ANKRD17: variants seen among roughly 807,000 people sequenced by gnomAD.
ANKRD17 encodes the protein ankyrin repeat domain-containing protein 17.
A neutral mutation model predicts 229.7 loss-of-function variants in ANKRD17; 19 were observed. The observed-to-expected ratio is 0.08, with a 90% confidence interval of 0.06 to 0.12. ANKRD17 has a LOEUF of 0.12. ANKRD17 is among the 10% of genes least tolerant of loss of function. ANKRD17 has a pLI of 1.00. For missense variants in ANKRD17, 2,176 were observed against 3,176.8 expected (o/e 0.68, Z 7.57); for synonymous variants, 1,112 against 1,146.1 (o/e 0.97, Z 0.60).
Position 73,111,077 on chromosome 4 carries a change from C to T in ANKRD17, c.4401+2715G>A, listed in dbSNP as rs573421832. 1.1e-4 allele frequency among the ~76,000 whole-genome samples: 17 copies of T among 152,202 alleles called. No homozygotes were observed. The South Asian group carries it at 3.3e-3, about 30-fold the overall frequency. ...CTAAATTAAAAATACAGTAGTGCCC[C>T]CTTATCCATGATGAGTAAGTACATT... On this transcript the variant is annotated intron_variant, in intron 24 of 33. Transcript: ENST00000358602.
intron 30 of ANKRD17, among the ~76,000 whole-genome samples, chr4:73,079,266 G>A (rs544447372): frequency 2.6e-5 from 4 of 152,194 alleles, no homozygotes; most frequent in African/African-American, 9.7e-5. Flanking sequence ...TCTCCAAACT[G>A]TATTCCCTGG....
chr4:73,111,545 G>C (rs768212057), intron 24 of ANKRD17, among the ~76,000 whole-genome samples: 1 of 152,012 alleles, frequency 6.6e-6, no homozygotes. Flanking sequence ...CAAATAAAGG[G>C]ACTACTATAT....
At chr4:73,103,168 A>C (rs951382853) in intron 24 of ANKRD17, among the ~76,000 whole-genome samples, 12 of 152,050 alleles carry the variant, frequency 7.9e-5, no homozygotes, top group South Asian at 2.1e-4. Flanking sequence ...AAGTATTATA[A>C]ATATGTACTT....
intron 1 of ANKRD17, among the ~76,000 whole-genome samples, chr4:73,256,098 T>C (rs139426854): frequency 3.1e-4 from 47 of 152,286 alleles, no homozygotes; most frequent in Admixed American, 9.8e-4. Flanking sequence ...TTTAACACCA[T>C]GTAAAAGACA....
intron 1 of ANKRD17, among the ~76,000 whole-genome samples, chr4:73,188,482 G>A (rs1736595888): frequency 6.6e-6 from 1 of 152,114 alleles, no homozygotes; most frequent in Non-Finnish European, 1.5e-5. Context: ...CTACTCAGGA[G>A]GCTGAGGCAG....
At chr4:73,148,339 A>T (rs1262343236) in intron 8 of ANKRD17, among the ~76,000 whole-genome samples, 1 of 152,240 alleles carries the variant, frequency 6.6e-6, no homozygotes, top group Non-Finnish European at 1.5e-5. Context: ...TTCCCAAAAA[A>T]GAAGTTTATG....
chr4:73,155,923 A>ATCC, intron 4 of ANKRD17, 96 bp downstream of exon 4: 3 of 1,499,768 alleles, frequency 2.0e-6, no homozygotes, highest in Non-Finnish European at 2.7e-6. Context: ...TGTTGAAATA[A>ATCC]TCCTAATGGT....
Position 73,091,895 on chromosome 4 carries a change from G to A in ANKRD17, c.5733C>T (p.Thr1911=). The part of the protein sequence containing the change: ...QQIRPPRLPM[T]HFGGTFPPAQ... ...CTGGTGGAAAAGTACCTCCAAAGTGGGTCATGGGCAACCTTGGTGGACGGA... is the reference window on the plus strand; with the variant it reads ...CTGGTGGAAAAGTACCTCCAAAGTGAGTCATGGGCAACCTTGGTGGACGGA... Residue 1911 remains threonine, a synonymous_variant, in exon 29 of 34, where the codon ACC becomes ACT. Coordinates refer to ENST00000358602, the MANE Select transcript of ANKRD17 (RefSeq NM_032217.5). The A allele has an allele frequency of 6.2e-7, 1 of 1,614,168 alleles. No homozygotes were observed. Among genetic ancestry groups the A allele is most frequent in the Admixed American group, 1.7e-5 (1 of 60,018 alleles).
At chr4:73,179,488 G>GTGTATATATACATATATATATA (rs1491132715) in intron 1 of ANKRD17, among the ~76,000 whole-genome samples, 4 of 48,214 alleles carry the variant, frequency 8.3e-5, no homozygotes, top group African/African-American at 2.6e-4. Context: ...GTGTGTGTGT[G>GTGTATATATACATATATATATA]TATATATATA....
At chr4:73,077,654 T>A in intron 31 of ANKRD17, 121 bp from the exon 32 acceptor site, 1 of 817,760 alleles carries the variant, frequency 1.2e-6, no homozygotes, top group Non-Finnish European at 1.8e-6. Context: ...TGACCTACTT[T>A]TATATATTTA....
intron 1 of ANKRD17, among the ~76,000 whole-genome samples, chr4:73,248,928 A>C (rs1744742700): frequency 6.6e-6 from 1 of 152,034 alleles, no homozygotes; most frequent in Non-Finnish European, 1.5e-5. Flanking sequence ...TTCATTATTA[A>C]TGCCATTAAA....
At chr4:73,189,324 C>G (rs1028850430) in intron 1 of ANKRD17, among the ~76,000 whole-genome samples, 2 of 150,608 alleles carry the variant, frequency 1.3e-5, no homozygotes, top group African/African-American at 4.9e-5. Context: ...TTTCTTTTTT[C>G]TGTTTCTCTG....
intron 25 of ANKRD17, chr4:73,099,151 T>C: frequency 1.5e-6 from 1 of 684,596 alleles, no homozygotes; most frequent in Non-Finnish European, 2.7e-6. Flanking sequence ...AGTGACCGTG[T>C]GTGCTGCCTG....
chr4:73,177,561 G>T, intron 1 of ANKRD17, 28 bp from the exon 2 acceptor site: 1 of 1,570,204 alleles, frequency 6.4e-7, no homozygotes, highest in Non-Finnish European at 8.7e-7. Flanking sequence ...AAAGAGGGAG[G>T]AAGGGAGAAA....
At chr4:73,102,128 T>A (rs9999323) in intron 25 of ANKRD17, among the ~76,000 whole-genome samples, 4 of 152,026 alleles carry the variant, frequency 2.6e-5, no homozygotes, top group East Asian at 3.9e-4. Flanking sequence ...TTAAAAAAAA[T>A]TTTTTTCCTT....
chr4:73,113,706 A>C (rs1725600634), intron 24 of ANKRD17, 86 bp downstream of exon 24: 2 of 1,098,046 alleles, frequency 1.8e-6, no homozygotes, highest in Non-Finnish European at 1.4e-6. Flanking sequence ...AAACAAAACA[A>C]AACAAAAAGA....
intron 1 of ANKRD17, among the ~76,000 whole-genome samples, chr4:73,222,732 A>C (rs190212545): frequency 1.3e-5 from 2 of 152,152 alleles, no homozygotes; most frequent in Non-Finnish European, 1.5e-5. Flanking sequence ...TTTTTCCCTA[A>C]CAAACATATA....
At chr4:73,192,614 C>A (rs928711197) in intron 1 of ANKRD17, among the ~76,000 whole-genome samples, 1 of 151,722 alleles carries the variant, frequency 6.6e-6, no homozygotes, top group Non-Finnish European at 1.5e-5. Context: ...TGAGAAAAAA[C>A]AACTTCTTTA....
intron 1 of ANKRD17, among the ~76,000 whole-genome samples, chr4:73,226,221 T>G (rs922682808): frequency 6.6e-6 from 1 of 151,796 alleles, no homozygotes; most frequent in African/African-American, 2.4e-5. Flanking sequence ...GTGATCTGCC[T>G]GCCTCAGCCA....
Sources: allele counts gnomAD v4.1 joint callset (sites outside exome capture counted in the v4.1 genomes callset), GRCh38; gene constraint gnomAD v4.1.1; transcripts MANE v1.5; gene names NCBI Gene and HGNC (gene_info 2026-07-23, HGNC 2026-07-21).